The following CCSER1 variants were observed in gnomAD, a reference collection of about 807,000 sequenced individuals.
The protein encoded by CCSER1 is coiled-coil serine rich protein 1, also known as serine-rich coiled-coil domain-containing protein 1.
Under a neutral mutation model 82.0 loss-of-function variants are expected in CCSER1, and 41 were observed. The observed-to-expected ratio is 0.50, with a 90% CI of 0.39 to 0.65. CCSER1 has a LOEUF of 0.65. CCSER1 is among the 30% of genes least tolerant of loss of function. CCSER1 has a pLI of 0.00. For synonymous variants in CCSER1, 414 were observed against 383.9 expected, an observed-to-expected ratio of 1.08 and a Z score of -0.92; for missense variants, 1,119 against 1,064.2, an observed-to-expected ratio of 1.05 and a Z score of -0.72.
chr4:90,902,803 G>A (rs115150065), intron 8 of CCSER1, among the ~76,000 whole-genome samples: 2 of 151,982 alleles, frequency 1.3e-5, no homozygotes, highest in Non-Finnish European at 2.9e-5. Flanking sequence ...CCTCAAGTAG[G>A]TTGATGATGA....
chr4:90,369,023 A>G (rs1746840058), intron 3 of CCSER1, among the ~76,000 whole-genome samples: 1 of 151,970 alleles, frequency 6.6e-6, no homozygotes, highest in African/African-American at 2.4e-5. Context: ...TGAATGCCAA[A>G]GAAATAAATT....
At chr4:90,368,107 A>G (rs1474676898) in intron 3 of CCSER1, among the ~76,000 whole-genome samples, 3 of 151,852 alleles carry the variant, frequency 2.0e-5, no homozygotes, top group African/African-American at 7.2e-5. Flanking sequence ...TCTACAAAAG[A>G]ACACTCCAAT....
At chr4:91,004,553 T>C (rs369376580) in intron 9 of CCSER1, among the ~76,000 whole-genome samples, 37 of 152,336 alleles carry the variant, frequency 2.4e-4, no homozygotes, top group African/African-American at 8.9e-4. Flanking sequence ...TCTATGTGCA[T>C]GGCAAATGAA....
At chr4:91,455,439 T>C (rs1167565930) in intron 10 of CCSER1, among the ~76,000 whole-genome samples, 1 of 152,040 alleles carries the variant, frequency 6.6e-6, no homozygotes, top group Non-Finnish European at 1.5e-5. Context: ...TTAGTGCTCT[T>C]ATAAAAGAGA....
At chr4:91,527,507 G>A (rs1760824592) in intron 10 of CCSER1, among the ~76,000 whole-genome samples, 1 of 152,062 alleles carries the variant, frequency 6.6e-6, no homozygotes, top group South Asian at 2.1e-4. Flanking sequence ...AGAAATGAAA[G>A]TATCTTGGGC....
intron 9 of CCSER1, among the ~76,000 whole-genome samples, chr4:91,021,462 GT>G (rs1419565865): frequency 1.3e-5 from 2 of 152,014 alleles, no homozygotes; most frequent in Non-Finnish European, 2.9e-5. Flanking sequence ...TTTAAAAATA[GT>G]TTTTTTAATT....
chr4:91,379,958 G>A (rs990569417), intron 10 of CCSER1, among the ~76,000 whole-genome samples: 7 of 152,064 alleles, frequency 4.6e-5, no homozygotes, highest in African/African-American at 7.2e-5. Flanking sequence ...GTTTGTTCTT[G>A]TTGGTTTCAA....
chr4:90,369,563 T>A (rs1381353), intron 3 of CCSER1, among the ~76,000 whole-genome samples: 56,039 of 151,788 alleles, frequency 0.37, 11,108 homozygotes, highest in African/African-American at 0.48. Context: ...CTTGGAAACC[T>A]TTAACTAACA....
intron 1 of CCSER1, among the ~76,000 whole-genome samples, chr4:90,145,649 T>A (rs531212663): frequency 6.6e-6 from 1 of 152,242 alleles, no homozygotes; most frequent in Admixed American, 6.5e-5. Context: ...TGTCTTAAGA[T>A]AGGTTACAGA....
intron 10 of CCSER1, among the ~76,000 whole-genome samples, chr4:91,213,634 C>G (rs1737013554): frequency 6.6e-6 from 1 of 152,038 alleles, no homozygotes; most frequent in Admixed American, 6.6e-5. Flanking sequence ...ATTTAAGGAT[C>G]AACTTTCAAC....
At chr4:90,945,357 A>T (rs1426988811) in intron 9 of CCSER1, among the ~76,000 whole-genome samples, 1 of 152,166 alleles carries the variant, frequency 6.6e-6, no homozygotes, top group Non-Finnish European at 1.5e-5. Flanking sequence ...AATGGAATGG[A>T]TCATGTTCCT....
intron 10 of CCSER1, among the ~76,000 whole-genome samples, chr4:91,316,575 C>A (rs750465452): frequency 1.3e-5 from 2 of 151,962 alleles, no homozygotes; most frequent in Non-Finnish European, 2.9e-5. Context: ...TCTTGGACAT[C>A]TTGAAATTAT....
In CCSER1 at chr4:90,560,046, G is replaced by A. The variant is rs567553575; in HGVS notation, c.1725-67979G>A. 3.9e-5 allele frequency among the ~76,000 whole-genome samples: 6 copies of A among 152,000 alleles called. No homozygotes were observed. In the South Asian group the frequency reaches 1.0e-3, roughly 26 times the overall value. On this transcript the variant is annotated intron_variant, in intron 5 of 10. Coordinates refer to ENST00000509176, the MANE Select transcript of CCSER1 (RefSeq NM_001145065.2). ...CAGCAGCACTCTCTTTCACAGTTAC[G>A]ATAATAGCCTGCAATAACTTATCCT... is the stretch of plus-strand genomic sequence containing the variant.
At chr4:90,200,454 A>C (rs1206897955) in intron 1 of CCSER1, among the ~76,000 whole-genome samples, 1 of 151,764 alleles carries the variant, frequency 6.6e-6, no homozygotes, top group African/African-American at 2.4e-5. Context: ...TTTTCAGCTA[A>C]AAAAAAATTT....
chr4:91,449,522 A>G (rs943273421), intron 10 of CCSER1, among the ~76,000 whole-genome samples: 1 of 152,048 alleles, frequency 6.6e-6, no homozygotes, highest in African/African-American at 2.4e-5. Flanking sequence ...ATTTGTAATA[A>G]TACAGGAAGA....
intron 9 of CCSER1, among the ~76,000 whole-genome samples, chr4:91,077,965 C>A (rs1024182447): frequency 6.6e-6 from 1 of 152,228 alleles, no homozygotes; most frequent in African/African-American, 2.4e-5. Flanking sequence ...GGGTGGAGCC[C>A]ACCACAGCTC....
At chr4:90,980,973 G>A (rs542043947) in intron 9 of CCSER1, among the ~76,000 whole-genome samples, 131 of 151,848 alleles carry the variant, frequency 8.6e-4, no homozygotes, top group African/African-American at 3.0e-3. Context: ...ATGCTTGTGG[G>A]TGCAAATTGC....
intron 10 of CCSER1, among the ~76,000 whole-genome samples, chr4:91,531,421 T>C (rs949521980): frequency 1.1e-4 from 17 of 152,342 alleles, no homozygotes; most frequent in African/African-American, 4.1e-4. Flanking sequence ...TTCTTAATTT[T>C]ATTTGTCTTT....
chr4:90,770,413 A>AT (rs1397680491), intron 7 of CCSER1, among the ~76,000 whole-genome samples: 3 of 152,256 alleles, frequency 2.0e-5, no homozygotes, highest in African/African-American at 7.2e-5. Context: ...AAATTAGGGC[A>AT]TATAAATATT....
Sources: gnomAD v4.1 joint callset for allele counts (sites outside exome capture counted in the v4.1 genomes callset) on GRCh38, gnomAD v4.1.1 for gene constraint, MANE v1.5 for transcripts, NCBI Gene and HGNC (gene_info 2026-07-23, HGNC 2026-07-21) for gene names.